The following OTUD7A variants were observed in gnomAD, a reference collection of about 807,000 sequenced individuals.
The protein encoded by OTUD7A is OTU deubiquitinase 7A, also known as OTU domain-containing protein 7A.
Under a neutral mutation model 65.7 loss-of-function variants are expected in OTUD7A, and 12 were observed. The ratio of observed to expected loss-of-function variants is 0.18; its 90% CI spans 0.12 to 0.30. OTUD7A has a LOEUF of 0.30. Among genes scored for constraint, OTUD7A ranks in the 10% least tolerant of loss-of-function variants. OTUD7A has a pLI of 1.00. For synonymous variants in OTUD7A, 641 were observed against 586.3 expected (o/e 1.09, Z -1.35); for missense variants, 1,148 against 1,304.8 (o/e 0.88, Z 1.85).
chr15:31,601,662 G>A (rs1298507334), intron 3 of OTUD7A, among the ~76,000 whole-genome samples: 1 of 152,104 alleles, frequency 6.6e-6, no homozygotes, highest in Non-Finnish European at 1.5e-5. Flanking sequence ...AAAAATCAAT[G>A]AATCCAGGAG....
chr15:31,660,984 C>T (rs1045083933), intron 1 of OTUD7A, among the ~76,000 whole-genome samples: 6 of 152,184 alleles, frequency 3.9e-5, no homozygotes, highest in African/African-American at 2.4e-5. Flanking sequence ...GCAGGTGCCG[C>T]GGGCTGGACA....
chr15:31,483,306 C>G lies in OTUD7A; in HGVS notation c.2790G>C (p.Gly930=). Residue 930 remains glycine (G), a synonymous_variant, in exon 13 of 13, where the codon GGG becomes GGC. Transcript: ENST00000307050. The part of the protein sequence containing the change: ...EELRRRREAR[G]ARP ...CGCGCCGCGCCGCTCAGGGCCGGGC[C>G]CCGCGCGCCTCGCGCCGCCGCCGCA... 1 of 1,185,240 alleles carries G rather than the reference C, an allele frequency of 8.4e-7. No individual in the cohort carries two copies. Among genetic ancestry groups the G allele is most frequent in the Non-Finnish European group, 1.0e-6 (1 of 956,298 alleles). 73.4% of individuals were successfully genotyped at this position (1,185,240 alleles called of 1,614,324 possible).
At chr15:31,755,060 CGTGT>C (rs71424619) in intron 1 of OTUD7A, among the ~76,000 whole-genome samples, 2,500 of 146,378 alleles carry the variant, frequency 0.017, 69 homozygotes, top group African/African-American at 0.06. Flanking sequence ...CCTCTGTGTT[CGTGT>C]GTGTGTGTGT....
At position 31,478,199 on chromosome 15, in the gene OTUD7A, A is replaced by C. The variant is rs566812275; in HGVS notation, c.*5095T>G. 6.6e-6 allele frequency: 1 copy of C among 152,200 alleles called. No individual in the cohort carries two copies. Among genetic ancestry groups the C allele is most frequent in the South Asian group, 2.1e-4 (1 of 4,814 alleles). The allele number at this position is 152,200 out of a possible 1,614,324, so 9.4% of individuals were successfully genotyped here. ...AGGCTGTTTCTTCGTTTAAAGGAGC[A>C]CTCCAGTGTCTGCAGATAAATTCTA... On this transcript the variant is annotated 3_prime_UTR_variant, in exon 13 of 13. Coordinates refer to ENST00000307050, the MANE Select transcript of OTUD7A (RefSeq NM_001382637.1).
intron 1 of OTUD7A, among the ~76,000 whole-genome samples, chr15:31,699,018 C>A (rs1385183086): frequency 1.3e-5 from 2 of 151,692 alleles, no homozygotes; most frequent in Non-Finnish European, 2.9e-5. Flanking sequence ...CTGAAATTGG[C>A]CTGAGCTGCT....
At chr15:31,561,511 C>A in intron 4 of OTUD7A, among the ~76,000 whole-genome samples, 1 of 152,138 alleles carries the variant, frequency 6.6e-6, no homozygotes, top group East Asian at 1.9e-4. Flanking sequence ...TGTCCAGGGG[C>A]ACCCATGCTC....
chr15:31,567,629 C>T (rs1054233507), intron 4 of OTUD7A, among the ~76,000 whole-genome samples: 1 of 152,220 alleles, frequency 6.6e-6, no homozygotes, highest in African/African-American at 2.4e-5. Flanking sequence ...TTACCTAAGA[C>T]AATGGAGAAA....
intron 5 of OTUD7A, among the ~76,000 whole-genome samples, chr15:31,548,523 C>T (rs1225884257): frequency 1.3e-5 from 2 of 152,112 alleles, no homozygotes; most frequent in African/African-American, 4.8e-5. Flanking sequence ...GGACATTTCA[C>T]AGCCAGGCAG....
Position 31,534,251 on chromosome 15 carries a change from A to G in OTUD7A, c.551-3443T>C, listed in dbSNP as rs924470832. Among the ~76,000 whole-genome samples, 20 of 152,230 alleles carry G rather than the reference A, an allele frequency of 1.3e-4. No individual in the cohort carries two copies. In the East Asian group the frequency reaches 3.7e-3, roughly 28 times the overall value. ...TGACCAAGGGATGCAAGGATGGCTC[A>G]ATATTTGAAAATCAATCAATATAAT... On this transcript the variant is annotated intron_variant, in intron 5 of 12. Transcript: ENST00000307050.
intron 1 of OTUD7A, among the ~76,000 whole-genome samples, chr15:31,809,196 A>C (rs1053856707): frequency 6.6e-6 from 1 of 152,176 alleles, no homozygotes; most frequent in African/African-American, 2.4e-5. Context: ...TACTATTTTT[A>C]AGGAACACTG....
At chr15:31,520,656 A>T (rs2041924720) in intron 8 of OTUD7A, among the ~76,000 whole-genome samples, 1 of 152,224 alleles carries the variant, frequency 6.6e-6, no homozygotes, top group Non-Finnish European at 1.5e-5. Flanking sequence ...GTTGGTGAGG[A>T]TATAATGAAA....
chr15:31,570,787 AG>A (rs1321913100), intron 3 of OTUD7A, among the ~76,000 whole-genome samples: 1 of 152,072 alleles, frequency 6.6e-6, no homozygotes, highest in Non-Finnish European at 1.5e-5. Flanking sequence ...CGCACTCAGC[AG>A]GGCTCCCACC....
chr15:31,662,481 C>T (rs1185650317), intron 1 of OTUD7A, among the ~76,000 whole-genome samples: 2 of 152,184 alleles, frequency 1.3e-5, no homozygotes, highest in Non-Finnish European at 2.9e-5. Flanking sequence ...TTTATTGATG[C>T]TTAAGTCCTG....
At chr15:31,686,679 C>T (rs540579821) in intron 1 of OTUD7A, among the ~76,000 whole-genome samples, 5 of 152,314 alleles carry the variant, frequency 3.3e-5, no homozygotes, top group Admixed American at 2.6e-4. Flanking sequence ...CTGGAGCCCA[C>T]CAGAAGAGTC....
intron 8 of OTUD7A, among the ~76,000 whole-genome samples, chr15:31,518,968 G>A (rs1047101763): frequency 3.9e-5 from 6 of 152,264 alleles, no homozygotes; most frequent in African/African-American, 9.6e-5. Context: ...CCAGTGCTTC[G>A]AAGGGACTGA....
intron 1 of OTUD7A, among the ~76,000 whole-genome samples, chr15:31,809,737 TCTTC>T (rs1896372243): frequency 6.6e-6 from 1 of 152,228 alleles, no homozygotes; most frequent in Non-Finnish European, 1.5e-5. Flanking sequence ...ACCTTGAGAC[TCTTC>T]CTTGTGAGTG....
chr15:31,635,693 T>C (rs1304193698), intron 3 of OTUD7A, among the ~76,000 whole-genome samples: 3 of 152,220 alleles, frequency 2.0e-5, no homozygotes, highest in Non-Finnish European at 2.9e-5. Context: ...AAGTGGGGTT[T>C]GAAAAAGTCG....
chr15:31,528,730 A>T (rs541607871), intron 6 of OTUD7A, among the ~76,000 whole-genome samples: 1 of 152,326 alleles, frequency 6.6e-6, no homozygotes, highest in East Asian at 1.9e-4. Context: ...TGACTCCAAG[A>T]TGACTGTCAT....
chr15:31,534,862 C>T (rs1459428877), intron 5 of OTUD7A, among the ~76,000 whole-genome samples: 3 of 152,122 alleles, frequency 2.0e-5, no homozygotes, highest in African/African-American at 7.2e-5. Context: ...GAAGTTGGCC[C>T]TCCATATACA....
Sources: allele counts gnomAD v4.1 joint callset (sites outside exome capture counted in the v4.1 genomes callset), GRCh38; gene constraint gnomAD v4.1.1; transcripts MANE v1.5; gene names NCBI Gene and HGNC (gene_info 2026-07-23, HGNC 2026-07-21).